The following PTPRM variants were observed in gnomAD, a reference collection of about 807,000 sequenced individuals.
The protein encoded by PTPRM is receptor-type tyrosine-protein phosphatase mu.
PTPRM carries 47 observed loss-of-function variants against 186.7 expected under a neutral mutation model. The observed-to-expected ratio is 0.25, with a 90% CI of 0.20 to 0.32. PTPRM has a LOEUF of 0.32. PTPRM is among the 10% of genes least tolerant of loss of function. PTPRM has a pLI of 1.00. For synonymous variants in PTPRM, 668 were observed against 674.9 expected, an observed-to-expected ratio of 0.99 and a Z score of 0.16; for missense variants, 1,494 against 1,865.0, an observed-to-expected ratio of 0.80 and a Z score of 3.66.
intron 2 of PTPRM, among the ~76,000 whole-genome samples, chr18:7,816,975 ATTTTTT>A (rs71354570): frequency 7.2e-6 from 1 of 138,608 alleles, no homozygotes; most frequent in Admixed American, 7.4e-5. Context: ...TAGTTAATTA[ATTTTTT>A]TTTTTTTTTT....
At chr18:7,638,319 T>A (rs1295485581) in intron 1 of PTPRM, among the ~76,000 whole-genome samples, 3 of 152,196 alleles carry the variant, frequency 2.0e-5, no homozygotes, top group Admixed American at 6.5e-5. Context: ...ATCCAGTTTG[T>A]TTCATTTTTA....
At chr18:7,827,985 AG>A (rs2045573022) in intron 2 of PTPRM, among the ~76,000 whole-genome samples, 1 of 152,228 alleles carries the variant, frequency 6.6e-6, no homozygotes. Flanking sequence ...CATCTGGAGC[AG>A]TGTGAGAGTG....
At chr18:8,343,612 G>A (rs972443558) in intron 23 of PTPRM, 92 bp downstream of exon 23, 7 of 1,098,990 alleles carry the variant, frequency 6.4e-6, no homozygotes, top group African/African-American at 1.6e-5. Flanking sequence ...GAACTATTAT[G>A]TGTACTCCCC....
At chr18:8,174,604 C>A (rs1010885564) in intron 14 of PTPRM, among the ~76,000 whole-genome samples, 1 of 151,930 alleles carries the variant, frequency 6.6e-6, no homozygotes, top group Non-Finnish European at 1.5e-5. Context: ...CAGTAAGAGG[C>A]GAGGGAAATC....
At chr18:8,370,036 A>G (rs1270888103) in intron 23 of PTPRM, among the ~76,000 whole-genome samples, 1 of 152,200 alleles carries the variant, frequency 6.6e-6, no homozygotes, top group African/African-American at 2.4e-5. Flanking sequence ...ATAGAAATTC[A>G]TCCATGGAGG....
At chr18:8,207,943 A>G (rs1362631653) in intron 14 of PTPRM, among the ~76,000 whole-genome samples, 1 of 152,212 alleles carries the variant, frequency 6.6e-6, no homozygotes, top group Non-Finnish European at 1.5e-5. Flanking sequence ...GGCAGTTTGA[A>G]AGAAATATAT....
chr18:7,992,628 C>T (rs867330918), intron 7 of PTPRM, among the ~76,000 whole-genome samples: 3 of 152,004 alleles, frequency 2.0e-5, no homozygotes, highest in Non-Finnish European at 4.4e-5. Flanking sequence ...ACTGGTAGTA[C>T]GGTACAGGAA....
chr18:8,109,294 G>T (rs866491060), intron 11 of PTPRM, among the ~76,000 whole-genome samples: 2 of 152,176 alleles, frequency 1.3e-5, no homozygotes, highest in African/African-American at 4.8e-5. Flanking sequence ...TTTGATAAAG[G>T]GGACTAGAAA....
intron 1 of PTPRM, among the ~76,000 whole-genome samples, chr18:7,596,116 T>G (rs2037251855): frequency 6.6e-6 from 1 of 152,212 alleles, no homozygotes; most frequent in Admixed American, 6.5e-5. Flanking sequence ...CTGAAGCTAC[T>G]ACATCTCCAC....
At chr18:7,897,607 C>G (rs2049433418) in intron 3 of PTPRM, among the ~76,000 whole-genome samples, 2 of 152,170 alleles carry the variant, frequency 1.3e-5, no homozygotes, top group African/African-American at 4.8e-5. Flanking sequence ...ATTGTTTTCA[C>G]CCTCAAAGAT....
chr18:8,157,880 G>A (rs2093155442), intron 14 of PTPRM, among the ~76,000 whole-genome samples: 2 of 152,200 alleles, frequency 1.3e-5, no homozygotes, highest in African/African-American at 4.8e-5. Flanking sequence ...ACCTGGGGTG[G>A]GAACAGAAGG....
chr18:7,763,900 G>T (rs2041898773), intron 1 of PTPRM, among the ~76,000 whole-genome samples: 1 of 151,318 alleles, frequency 6.6e-6, no homozygotes, highest in Non-Finnish European at 1.5e-5. Context: ...AGGTGGATTT[G>T]TAAATCACAC....
Position 7,886,922 on chromosome 18 carries a change from T to G in PTPRM, c.197-1184T>G, listed in dbSNP as rs564968440. ...AAAAAGTGGTCTTCTTGTTTTGCTG[T>G]TTAGGCAATCACAGCATGTAAACAA... On this transcript the variant is annotated intron_variant, in intron 2 of 32. Coordinates refer to ENST00000580170, the MANE Select transcript of PTPRM (RefSeq NM_001105244.2). 5.3e-5 allele frequency among the ~76,000 whole-genome samples: 8 copies of G among 152,358 alleles called. No individual in the cohort carries two copies. The East Asian group carries it at 1.5e-3, about 29-fold the overall frequency.
intron 14 of PTPRM, among the ~76,000 whole-genome samples, chr18:8,216,900 C>G (rs2094093710): frequency 6.6e-6 from 1 of 152,248 alleles, no homozygotes; most frequent in South Asian, 2.1e-4. Context: ...GTTTCCCTCT[C>G]TGGAGAATCT....
At chr18:8,296,554 T>C in intron 20 of PTPRM, 99 bp downstream of exon 20, 3 of 816,384 alleles carry the variant, frequency 3.7e-6, no homozygotes, top group Non-Finnish European at 6.2e-6. Context: ...ACAGTGCAAT[T>C]ACCTCCTTCA....
intron 1 of PTPRM, among the ~76,000 whole-genome samples, chr18:7,647,293 T>A (rs1390626111): frequency 6.6e-6 from 1 of 152,210 alleles, no homozygotes; most frequent in Non-Finnish European, 1.5e-5. Context: ...TTCAGATTAT[T>A]TCTGCAATGT....
intron 1 of PTPRM, among the ~76,000 whole-genome samples, chr18:7,684,321 T>C (rs2039547831): frequency 6.6e-6 from 1 of 151,864 alleles, no homozygotes. Flanking sequence ...ATAAAATAAA[T>C]GAATGAATAA....
chr18:7,795,241 T>A (rs1454100384), intron 2 of PTPRM, among the ~76,000 whole-genome samples: 1 of 152,188 alleles, frequency 6.6e-6, no homozygotes, highest in Admixed American at 6.5e-5. Context: ...GATGTAGGAA[T>A]TCTGTCAGTA....
chr18:7,884,021 C>G (rs944043306), intron 2 of PTPRM, among the ~76,000 whole-genome samples: 2 of 152,088 alleles, frequency 1.3e-5, no homozygotes, highest in South Asian at 4.1e-4. Flanking sequence ...GTGATGCACA[C>G]CTATGATCCC....
Sources: gnomAD v4.1 joint callset for allele counts (sites outside exome capture counted in the v4.1 genomes callset) on GRCh38, gnomAD v4.1.1 for gene constraint, MANE v1.5 for transcripts, NCBI Gene and HGNC (gene_info 2026-07-23, HGNC 2026-07-21) for gene names.